Variants in SOD2 observed in about 807,000 individuals in gnomAD.
The protein encoded by SOD2 is superoxide dismutase 2, also known as superoxide dismutase [Mn], mitochondrial.
A neutral mutation model predicts 27.0 loss-of-function variants in SOD2; 11 were observed. The observed-to-expected ratio is 0.41, with a 90% confidence interval of 0.26 to 0.67. The LOEUF (loss-of-function observed/expected upper bound fraction) is 0.67, where lower values mean the gene tolerates loss of function less well. SOD2 is among the 30% of genes least tolerant of loss of function. The probability of loss-of-function intolerance (pLI) is 0.34; values close to 1 mark genes in which losing one functional copy is unlikely to be tolerated. For missense variants in SOD2, 250 were observed against 274.5 expected (o/e 0.91, Z 0.63); for synonymous variants, 105 against 103.0 (o/e 1.02, Z -0.12).
intron 3 of SOD2, among the ~76,000 whole-genome samples, chr6:159,686,155 G>A (rs544155383): frequency 6.6e-6 from 1 of 152,150 alleles, no homozygotes; most frequent in South Asian, 2.1e-4. Context: ...TAAATCAACT[G>A]GGTCAAAATC....
Position 159,711,912 on chromosome 6 carries a change from T to C in SOD2, c.-116+15217A>G, listed in dbSNP as rs1488869983. ...ATAACCACCACTCACATTGCTCTGA[T>C]CACCATAACCACCTCCACAACCACC... On this transcript the variant is annotated intron_variant, in intron 1 of 2. Transcript: ENST00000401980. Among the ~76,000 whole-genome samples the C allele has an allele frequency of 4.4e-4, 51 of 116,008 alleles. 4 individuals are homozygous for C. The highest frequency in any genetic ancestry group is 3.6e-4 in the East Asian group (1 of 2,762). 76.1% of individuals were successfully genotyped at this position (116,008 alleles called of 152,430 possible). A position where few individuals can be genotyped will look rare whatever the true frequency, so the allele number is the denominator to read the frequency against.
chr6:159,714,784 G>C (rs1226305367), intron 1 of SOD2, among the ~76,000 whole-genome samples: 1 of 152,140 alleles, frequency 6.6e-6, no homozygotes, highest in Admixed American at 6.5e-5. Context: ...TGTCTGGCTG[G>C]AGTAGAGCAG....
chr6:159,755,565 A>C (rs756602073), intron 1 of SOD2: 2 of 1,614,118 alleles, frequency 1.2e-6, no homozygotes, highest in Non-Finnish European at 1.7e-6. Context: ...CGCCACGTTC[A>C]GAATGGCTTG....
At chr6:159,704,300 C>G (rs908165016) in intron 1 of SOD2, among the ~76,000 whole-genome samples, 1 of 152,176 alleles carries the variant, frequency 6.6e-6, no homozygotes. Flanking sequence ...GTGCAGAGCA[C>G]TGAGTGTGAG....
chr6:159,710,228 C>T (rs1179246393), intron 1 of SOD2, among the ~76,000 whole-genome samples: 10 of 150,556 alleles, frequency 6.6e-5, no homozygotes, highest in East Asian at 3.9e-4. Context: ...CAAACCTGCA[C>T]GTTCGTTGTG....
intron 2 of SOD2, among the ~76,000 whole-genome samples, chr6:159,689,249 C>A (rs1475198798): frequency 6.6e-6 from 1 of 152,220 alleles, no homozygotes; most frequent in Non-Finnish European, 1.5e-5. Context: ...TTCCCCAAGA[C>A]AGTCTCATGC....
chr6:159,711,986 A>AGG (rs1562437930), intron 1 of SOD2, among the ~76,000 whole-genome samples: 25 of 89,774 alleles, frequency 2.8e-4, no homozygotes, highest in African/African-American at 1.1e-3. Flanking sequence ...CACCACTCAC[A>AGG]CTGCTCAGAC....
At chr6:159,705,542 G>A (rs1204977972) in intron 1 of SOD2, among the ~76,000 whole-genome samples, 1 of 152,188 alleles carries the variant, frequency 6.6e-6, no homozygotes, top group East Asian at 1.9e-4. Flanking sequence ...TCAAATGAAT[G>A]AAATGAAGCA....
intron 1 of SOD2, among the ~76,000 whole-genome samples, chr6:159,699,157 G>C (rs1362294412): frequency 6.6e-6 from 1 of 151,698 alleles, no homozygotes; most frequent in African/African-American, 2.4e-5. Context: ...TCCTCCTTCT[G>C]TCCCTACACA....
intron 1 of SOD2, among the ~76,000 whole-genome samples, chr6:159,707,256 A>C (rs1450159645): frequency 6.6e-6 from 1 of 152,194 alleles, no homozygotes; most frequent in East Asian, 1.9e-4. Context: ...GAAGGCAAGA[A>C]ATAACTAAGA....
chr6:159,723,614 T>C (rs141219935), intron 1 of SOD2, among the ~76,000 whole-genome samples: 1 of 152,334 alleles, frequency 6.6e-6, no homozygotes, highest in African/African-American at 2.4e-5. Context: ...CCCATGCCTA[T>C]ACATCCTGGT....
chr6:159,759,632 T>G (rs922891298), intron 1 of SOD2, among the ~76,000 whole-genome samples: 14 of 148,442 alleles, frequency 9.4e-5, no homozygotes, highest in Non-Finnish European at 1.9e-4. Flanking sequence ...ATAGCGCCAC[T>G]GCACTCCAGC....
chr6:159,736,187 C>A, intron 1 of SOD2: 1 of 1,400,960 alleles, frequency 7.1e-7, no homozygotes, highest in Non-Finnish European at 9.9e-7. Context: ...TTGAAAGAGT[C>A]AGTATTTTTT....
At chr6:159,741,190 T>C (rs1221277441) in intron 1 of SOD2, among the ~76,000 whole-genome samples, 2 of 152,152 alleles carry the variant, frequency 1.3e-5, no homozygotes, top group African/African-American at 4.8e-5. Flanking sequence ...GAAAAATCTT[T>C]ATTGCTAAGA....
chr6:159,698,013 G>A (rs180755882), upstream of SOD2, among the ~76,000 whole-genome samples: 56 of 152,274 alleles, frequency 3.7e-4, no homozygotes, highest in African/African-American at 1.3e-3. Context: ...AGTGGCTCAC[G>A]CCTATAATCC....
intron 1 of SOD2, among the ~76,000 whole-genome samples, chr6:159,754,116 A>G (rs1562468235): frequency 1.3e-5 from 2 of 152,222 alleles, no homozygotes; most frequent in African/African-American, 4.8e-5. Context: ...GTGTAGCTGT[A>G]TCTCTGTTTC....
chr6:159,736,130 T>G, intron 1 of SOD2: 1 of 975,412 alleles, frequency 1.0e-6, no homozygotes, highest in South Asian at 1.7e-5. Context: ...AATTGTTTAT[T>G]TAAATTCTAA....
intron 1 of SOD2, among the ~76,000 whole-genome samples, chr6:159,706,325 A>T (rs1054500873): frequency 4.5e-4 from 68 of 152,336 alleles, no homozygotes; most frequent in South Asian, 1.9e-3. Flanking sequence ...AGACTGGCAA[A>T]TTGGATAAAG....
At chr6:159,737,455 G>A in intron 1 of SOD2, among the ~76,000 whole-genome samples, 1 of 151,980 alleles carries the variant, frequency 6.6e-6, no homozygotes, top group East Asian at 1.9e-4. Context: ...AAAAATTTAA[G>A]TGTCTTGTAA....
Sources: allele counts gnomAD v4.1 joint callset (sites outside exome capture counted in the v4.1 genomes callset), GRCh38; gene constraint gnomAD v4.1.1; transcripts MANE v1.5; gene names NCBI Gene and HGNC (gene_info 2026-07-23, HGNC 2026-07-21).